Variants in FIGN observed in about 807,000 individuals in gnomAD.
FIGN encodes the protein fidgetin, microtubule severing factor.
In FIGN, 11 loss-of-function variants were observed where a neutral mutation model predicts 51.3. The ratio of observed to expected loss-of-function variants is 0.21; its 90% CI spans 0.13 to 0.35. FIGN has a LOEUF of 0.35. Ranked by LOEUF, FIGN falls within the 10% of genes least tolerant of loss-of-function variation. The pLI is 1.00. For synonymous variants in FIGN, 407 were observed against 363.2 expected, an observed-to-expected ratio of 1.12 and a Z score of -1.37; for missense variants, 857 against 943.6, an observed-to-expected ratio of 0.91 and a Z score of 1.20.
intron 2 of FIGN, among the ~76,000 whole-genome samples, chr2:163,724,102 C>T (rs753153332): frequency 1.3e-5 from 2 of 152,184 alleles, no homozygotes; most frequent in Admixed American, 1.3e-4. Flanking sequence ...TCAATCATCT[C>T]TTCTTTTATA....
At chr2:163,693,113 C>T (rs1435990384) in intron 2 of FIGN, among the ~76,000 whole-genome samples, 1 of 152,184 alleles carries the variant, frequency 6.6e-6, no homozygotes, top group East Asian at 1.9e-4. Context: ...GGTCACCAAC[C>T]ACCTGAAACC....
At chr2:163,629,546 G>A (rs1396386644) in intron 2 of FIGN, among the ~76,000 whole-genome samples, 10 of 152,004 alleles carry the variant, frequency 6.6e-5, no homozygotes. Context: ...GGATATGGGG[G>A]AAAATCTGAT....
At chr2:163,700,131 A>G (rs949772140) in intron 2 of FIGN, among the ~76,000 whole-genome samples, 2 of 152,154 alleles carry the variant, frequency 1.3e-5, no homozygotes, top group Admixed American at 6.6e-5. Context: ...TTGTGTTCGC[A>G]TTTTGCACCA....
intron 2 of FIGN, among the ~76,000 whole-genome samples, chr2:163,636,459 A>C (rs1683226976): frequency 6.6e-6 from 1 of 151,940 alleles, no homozygotes; most frequent in African/African-American, 2.4e-5. Context: ...CTAATCTTGT[A>C]TTTTTAGTAG....
chr2:163,684,879 A>G (rs1426752111), intron 2 of FIGN, among the ~76,000 whole-genome samples: 2 of 151,414 alleles, frequency 1.3e-5, no homozygotes, highest in Non-Finnish European at 2.9e-5. Flanking sequence ...GGTTCAAGCA[A>G]TTCTCCTGCC....
intron 2 of FIGN, among the ~76,000 whole-genome samples, chr2:163,622,804 A>T (rs1470030228): frequency 6.6e-6 from 1 of 152,116 alleles, no homozygotes; most frequent in Non-Finnish European, 1.5e-5. Context: ...GACTCAAGTG[A>T]TCCACCCACC....
rs116549352 is a variant in FIGN at position 163,674,365 on chromosome 2, T to C, written c.25+60538A>G. On this transcript the variant is annotated intron_variant, in intron 2 of 2. Coordinates refer to ENST00000333129, the MANE Select transcript of FIGN (RefSeq NM_018086.4). ...GATCTGCTTCTGAGCTAATGCCCTA[T>C]TTCATGACTTCGTCACTATTTGCAG... Among the ~76,000 whole-genome samples, 1,067 of 152,338 alleles carry C rather than the reference T, an allele frequency of 7.0e-3. 11 individuals are homozygous for C. Among genetic ancestry groups the C allele is most frequent in the African/African-American group, 0.024 (982 of 41,560 alleles).
chr2:163,631,793 A>T (rs1275616423), intron 2 of FIGN, among the ~76,000 whole-genome samples: 3 of 152,218 alleles, frequency 2.0e-5, no homozygotes, highest in Non-Finnish European at 2.9e-5. Flanking sequence ...AGTGATAAGA[A>T]TATCCACAAA....
chr2:163,611,224 G>T lies in FIGN; in HGVS notation c.608C>A (p.Ala203Glu). 1.2e-6 allele frequency: 2 copies of T among 1,614,126 alleles called. No individual in the cohort carries two copies. The highest frequency in any genetic ancestry group is 1.7e-6 in the Non-Finnish European group (2 of 1,180,024). ...YLHSTYSSQPAPALPSPHPSP... is the reference protein window; with the variant it reads ...YLHSTYSSQPEPALPSPHPSP... ...CGGATGAGGTGAAGGAAGTGCAGGT[G>T]CTGGCTGGCTACTATAAGTAGAATG... Residue 203 changes from alanine (A) to glutamate (E), a missense_variant, in exon 3 of 3, where the codon GCA becomes GAA. Ala to Glu is a moderately radical substitution (Grantham distance 107). This residue lies in a region of FIGN where 799 missense variants were observed against 849.5 expected (regional missense o/e 0.94). Transcript: ENST00000333129.
chr2:163,629,559 T>C (rs1254332468), intron 2 of FIGN, among the ~76,000 whole-genome samples: 1 of 152,140 alleles, frequency 6.6e-6, no homozygotes, highest in Non-Finnish European at 1.5e-5. Flanking sequence ...AATCTGATCA[T>C]TATCCATAGT....
chr2:163,684,939 A>ATT lies in FIGN; in HGVS notation c.25+49962_25+49963dup, dbSNP rs548647272. ...AAGGCGGGAGCCACCATGCCTGGCT[A>ATT]TTTTTTTTTTTTTTTTTTTGTATTT... On this transcript the variant is annotated intron_variant, in intron 2 of 2. Coordinates refer to ENST00000333129, the MANE Select transcript of FIGN (RefSeq NM_018086.4). 1.2e-3 allele frequency among the ~76,000 whole-genome samples: 148 copies of ATT among 119,442 alleles called. 1 individual carries two copies. Among genetic ancestry groups the ATT allele is most frequent in the African/African-American group, 3.6e-3 (119 of 32,708 alleles). The allele number at this position is 119,442 out of a possible 152,430, so 78.4% of individuals were successfully genotyped here. A position where few individuals can be genotyped will look rare whatever the true frequency, so the allele number is the denominator to read the frequency against.
chr2:163,690,765 T>C (rs1471263838), intron 2 of FIGN, among the ~76,000 whole-genome samples: 1 of 152,022 alleles, frequency 6.6e-6, no homozygotes, highest in Non-Finnish European at 1.5e-5. Context: ...TTTAAAGAGA[T>C]GGAAAAGAAT....
At chr2:163,654,404 C>A (rs1683526530) in intron 2 of FIGN, among the ~76,000 whole-genome samples, 1 of 152,076 alleles carries the variant, frequency 6.6e-6, no homozygotes, top group East Asian at 1.9e-4. Flanking sequence ...AGAAAAGATA[C>A]ATTATTGATG....
At chr2:163,664,998 G>GT (rs11400668) in intron 2 of FIGN, among the ~76,000 whole-genome samples, 27,634 of 152,214 alleles carry the variant, frequency 0.18, 2,721 homozygotes, top group East Asian at 0.38. Context: ...ATGAACTATA[G>GT]TTTTGTATAG....
intron 2 of FIGN, among the ~76,000 whole-genome samples, chr2:163,640,964 C>T (rs1276169959): frequency 1.3e-5 from 2 of 152,158 alleles, no homozygotes; most frequent in Non-Finnish European, 2.9e-5. Flanking sequence ...GCTCAGTGGG[C>T]TGGAAACCCA....
chr2:163,701,781 A>C (rs1392385306), intron 2 of FIGN, among the ~76,000 whole-genome samples: 1 of 152,164 alleles, frequency 6.6e-6, no homozygotes, highest in African/African-American at 2.4e-5. Flanking sequence ...ATTTCTTACC[A>C]GTCGAGTCAG....
intron 2 of FIGN, among the ~76,000 whole-genome samples, chr2:163,612,785 A>G (rs199566944): frequency 2.1e-5 from 3 of 144,200 alleles, no homozygotes; most frequent in South Asian, 2.2e-4. Flanking sequence ...ATGAGAGAGA[A>G]AGAGAGAGAG....
intron 2 of FIGN, among the ~76,000 whole-genome samples, chr2:163,634,054 C>T (rs550355649): frequency 1.3e-5 from 2 of 149,584 alleles, no homozygotes; most frequent in Non-Finnish European, 3.0e-5. Context: ...TTTTCATGTG[C>T]TTTTCATTCC....
At chr2:163,711,072 A>G (rs1470432635) in intron 2 of FIGN, among the ~76,000 whole-genome samples, 1 of 152,180 alleles carries the variant, frequency 6.6e-6, no homozygotes, top group Non-Finnish European at 1.5e-5. Context: ...TTAACCACAG[A>G]GCTGCAATAA....
Sources: gnomAD v4.1 joint callset for allele counts (sites outside exome capture counted in the v4.1 genomes callset) on GRCh38, gnomAD v4.1.1 for gene constraint, gnomAD v4.1.1 regional missense constraint, MANE v1.5 for transcripts, NCBI Gene and HGNC (gene_info 2026-07-23, HGNC 2026-07-21) for gene names.